Variants in AKAP9 observed in about 807,000 individuals in gnomAD.
AKAP9 encodes A-kinase anchoring protein 9.
AKAP9 carries 311 observed loss-of-function variants against 488.5 expected under a neutral mutation model. The ratio of observed to expected loss-of-function variants is 0.64; its 90% CI spans 0.58 to 0.70. The LOEUF (loss-of-function observed/expected upper bound fraction) is 0.70, where lower values mean the gene tolerates loss of function less well. AKAP9 is among the 30% of genes least tolerant of loss of function. The pLI is 0.00. For synonymous variants in AKAP9, 1,462 were observed against 1,483.5 expected, an observed-to-expected ratio of 0.99 and a Z score of 0.33; for missense variants, 4,215 against 4,374.5, an observed-to-expected ratio of 0.96 and a Z score of 1.03.
chr7:91,985,735 C>T (rs896346252), intron 3 of AKAP9, among the ~76,000 whole-genome samples: 10 of 152,094 alleles, frequency 6.6e-5, no homozygotes, highest in African/African-American at 2.2e-4. Flanking sequence ...GCAACCCTCG[C>T]CTGCCGGGTT....
At chr7:92,014,421 A>C (rs1801218442) in intron 10 of AKAP9, 93 bp downstream of exon 10, 1 of 899,550 alleles carries the variant, frequency 1.1e-6, no homozygotes, top group South Asian at 1.4e-5. Context: ...AGATCACTTG[A>C]GTTCGAGACC....
At chr7:92,065,102 C>A (rs1810558037) in intron 24 of AKAP9, 129 bp from the exon 25 acceptor site, 3 of 531,174 alleles carry the variant, frequency 5.6e-6, no homozygotes, top group African/African-American at 3.8e-5. Flanking sequence ...AGAATATTTA[C>A]TTTCATGTGT....
intron 1 of AKAP9, among the ~76,000 whole-genome samples, chr7:91,971,919 G>C (rs1458023654): frequency 6.8e-6 from 1 of 147,078 alleles, no homozygotes; most frequent in Non-Finnish European, 1.5e-5. Flanking sequence ...AGTCTTCTCT[G>C]TCTGGCTTGT....
Position 91,980,336 on chromosome 7 carries a change from A to G in AKAP9, c.351+3A>G. 1 of 1,520,122 alleles carries G rather than the reference A, an allele frequency of 6.6e-7. No individual in the cohort carries two copies. Among genetic ancestry groups the G allele is most frequent in the Non-Finnish European group, 9.0e-7 (1 of 1,106,360 alleles). 94.2% of individuals were successfully genotyped at this position (1,520,122 alleles called of 1,614,324 possible). On this transcript the variant is annotated splice_donor_region_variant and intron_variant, in intron 3 of 49. Coordinates refer to ENST00000356239, the MANE Select transcript of AKAP9 (RefSeq NM_005751.5). ...CAGCAGATGACTGCAGTTCAGAGGT[A>G]AGACTAAATTATATTGATTTCTAAT...
At chr7:91,967,139 A>G (rs1379876714) in intron 1 of AKAP9, among the ~76,000 whole-genome samples, 5 of 151,952 alleles carry the variant, frequency 3.3e-5, no homozygotes, top group Non-Finnish European at 7.4e-5. Flanking sequence ...GGTATATATA[A>G]TTTCTATTGA....
intron 24 of AKAP9, among the ~76,000 whole-genome samples, chr7:92,064,236 T>C (rs948025388): frequency 1.3e-5 from 2 of 152,128 alleles, no homozygotes; most frequent in African/African-American, 2.4e-5. Context: ...TGATTTATTT[T>C]TATGTTAACA....
intron 44 of AKAP9, among the ~76,000 whole-genome samples, chr7:92,100,469 C>G (rs539060895): frequency 6.6e-6 from 1 of 152,258 alleles, no homozygotes; most frequent in South Asian, 2.1e-4. Flanking sequence ...ATTTACGTGC[C>G]TTTTATAGAA....
intron 1 of AKAP9, among the ~76,000 whole-genome samples, chr7:91,941,968 C>T (rs538682655): frequency 6.6e-6 from 1 of 151,806 alleles, no homozygotes; most frequent in Admixed American, 6.6e-5. Flanking sequence ...TATACACAGG[C>T]ATCGTTCATT....
At chr7:91,980,419 T>G in intron 3 of AKAP9, 86 bp downstream of exon 3, 1 of 587,728 alleles carries the variant, frequency 1.7e-6, no homozygotes, top group Non-Finnish European at 2.8e-6. Context: ...ACTTGATTTC[T>G]TGTCACTCAT....
intron 20 of AKAP9, among the ~76,000 whole-genome samples, chr7:92,044,772 G>T (rs995158033): frequency 2.0e-5 from 3 of 151,902 alleles, no homozygotes; most frequent in Non-Finnish European, 2.9e-5. Flanking sequence ...TTAAAAAATG[G>T]TATGATTAAG....
chr7:92,019,519 A>G (rs1278708348), intron 12 of AKAP9, among the ~76,000 whole-genome samples: 2 of 151,934 alleles, frequency 1.3e-5, no homozygotes, highest in African/African-American at 4.8e-5. Context: ...TTGCTAATTA[A>G]ATGCCAGGTT....
Position 92,064,611 on chromosome 7 carries a change from A to G in AKAP9, c.5978-620A>G, listed in dbSNP as rs1314895081. 2.0e-5 allele frequency among the ~76,000 whole-genome samples: 3 copies of G among 152,286 alleles called. No individual in the cohort carries two copies. In the South Asian group the frequency reaches 6.2e-4, roughly 32 times the overall value. Reference sequence around the variant, plus strand: ...GGCCTACGGTCTGTTCTTAAGCACTACACCACACTACCTCTCATACATGTC... The same window carrying G: ...GGCCTACGGTCTGTTCTTAAGCACTGCACCACACTACCTCTCATACATGTC... On this transcript the variant is annotated intron_variant, in intron 24 of 49. Coordinates refer to ENST00000356239, the MANE Select transcript of AKAP9 (RefSeq NM_005751.5).
At chr7:91,951,948 G>T (rs955443524) in intron 1 of AKAP9, among the ~76,000 whole-genome samples, 3 of 151,996 alleles carry the variant, frequency 2.0e-5, no homozygotes, top group African/African-American at 7.3e-5. Flanking sequence ...TTCTAATATT[G>T]CAGTCCAATA....
At position 92,096,789 on chromosome 7, in the gene AKAP9, T is replaced by G. The variant is rs144021475; in HGVS notation, c.9830T>G (p.Ile3277Arg). The change falls in exon 41 of 50, where the codon ATA (isoleucine) becomes AGA (arginine). Residue 3277 changes from isoleucine to arginine, a missense_variant. By Grantham distance (97) the Ile-to-Arg change is moderately conservative. This residue lies in a region of AKAP9 where 1,476 missense variants were observed against 1,477.4 expected (regional missense o/e 1.00). Transcript: ENST00000356239. ...CTACTGAACGAATCCCAGCAAAAAA[T>G]AGAATCACAGAGAATGCTATATGAT... is the stretch of plus-strand genomic sequence containing the variant. ...KQLLNESQQK[I>R]ESQRMLYDAQ... The G allele has an allele frequency of 1.4e-5, 22 of 1,614,130 alleles. No individual in the cohort carries two copies. The highest frequency in any genetic ancestry group is 6.7e-5 in the East Asian group (3 of 44,884).
At chr7:92,033,084 T>C (rs1216786542) in intron 16 of AKAP9, among the ~76,000 whole-genome samples, 2 of 152,326 alleles carry the variant, frequency 1.3e-5, no homozygotes, top group African/African-American at 4.8e-5. Flanking sequence ...TAGTAAAGAC[T>C]CATAAATACT....
In AKAP9 at chr7:92,079,850, G is replaced by A; in HGVS notation, c.7717G>A (p.Asp2573Asn). 6.2e-7 allele frequency: 1 copy of A among 1,614,036 alleles called. No individual in the cohort carries two copies. ...AVQEYAKFCQ[D>N]NQTISSEPER... The stretch of plus-strand genomic sequence containing the variant: ...TCAGGAATATGCAAAATTCTGTCAA[G>A]ATAATCAAACAATTTCATCAGAACC... Residue 2573 changes from aspartate to asparagine, a missense_variant, in exon 31 of 50, where the codon GAT (aspartate) becomes AAT (asparagine). By Grantham distance (23) the Asp-to-Asn change is conservative. Around this residue, in one of 5 missense-constraint regions of AKAP9, gnomAD observed 1,476 missense variants for 1,477.4 expected, o/e 1.00. Coordinates refer to ENST00000356239, the MANE Select transcript of AKAP9 (RefSeq NM_005751.5).
intron 1 of AKAP9, among the ~76,000 whole-genome samples, chr7:91,951,059 T>C (rs1792178651): frequency 6.6e-6 from 1 of 151,968 alleles, no homozygotes; most frequent in African/African-American, 2.4e-5. Flanking sequence ...CCATTAGTAA[T>C]TTTTATAATA....
intron 35 of AKAP9, among the ~76,000 whole-genome samples, chr7:92,085,173 T>C (rs1441965426): frequency 6.6e-6 from 1 of 152,156 alleles, no homozygotes; most frequent in Non-Finnish European, 1.5e-5. Flanking sequence ...GATGTATTCG[T>C]TTGCCAGAAT....
At chr7:91,961,290 G>A (rs192728418) in intron 1 of AKAP9, among the ~76,000 whole-genome samples, 189 of 151,820 alleles carry the variant, frequency 1.2e-3, no homozygotes, top group Middle Eastern at 3.4e-3. Flanking sequence ...AAAATCCCGA[G>A]TAGCTGTAAT....
Sources: allele counts gnomAD v4.1 joint callset (sites outside exome capture counted in the v4.1 genomes callset), GRCh38; gene constraint gnomAD v4.1.1; regional missense constraint gnomAD v4.1.1; transcripts MANE v1.5; gene names NCBI Gene and HGNC (gene_info 2026-07-23, HGNC 2026-07-21).